The following SPTLC2 variants were observed in gnomAD, a reference collection of about 807,000 sequenced individuals.
SPTLC2 encodes the protein serine palmitoyltransferase 2.
SPTLC2 carries 21 observed loss-of-function variants against 62.0 expected under a neutral mutation model. The observed-to-expected ratio is 0.34, with a 90% confidence interval of 0.24 to 0.49. The LOEUF is 0.49. Ranked by LOEUF, SPTLC2 falls within the 20% of genes least tolerant of loss-of-function variation. The pLI is 0.99. For missense variants in SPTLC2, 511 were observed against 713.0 expected, an observed-to-expected ratio of 0.72 and a Z score of 3.23; for synonymous variants, 261 against 261.8, an observed-to-expected ratio of 1.00 and a Z score of 0.03.
intron 1 of SPTLC2, among the ~76,000 whole-genome samples, chr14:77,612,347 C>T (rs2079942599): frequency 6.6e-6 from 1 of 152,220 alleles, no homozygotes; most frequent in African/African-American, 2.4e-5. Flanking sequence ...TTCTAAAATA[C>T]TATCTTAAGA....
chr14:77,561,777 A>G (rs1464765887), intron 6 of SPTLC2, among the ~76,000 whole-genome samples: 1 of 152,190 alleles, frequency 6.6e-6, no homozygotes, highest in Non-Finnish European at 1.5e-5. Context: ...TTTGGTATAC[A>G]TTCTTCCAAA....
At chr14:77,529,308 C>A (rs553042204) in intron 9 of SPTLC2, among the ~76,000 whole-genome samples, 3 of 147,176 alleles carry the variant, frequency 2.0e-5, no homozygotes, top group African/African-American at 7.5e-5. Flanking sequence ...CAGTTTAAAC[C>A]AGGACATGAC....
chr14:77,561,460 A>T (rs191808640), intron 6 of SPTLC2, among the ~76,000 whole-genome samples: 2 of 152,054 alleles, frequency 1.3e-5, no homozygotes, highest in Non-Finnish European at 2.9e-5. Flanking sequence ...AAATACTAAA[A>T]ATTAGTCAGG....
intron 5 of SPTLC2, among the ~76,000 whole-genome samples, chr14:77,568,473 T>C (rs1278229628): frequency 6.6e-6 from 1 of 152,242 alleles, no homozygotes; most frequent in African/African-American, 2.4e-5. Context: ...AAACATTCTA[T>C]ATCATTACTG....
intron 2 of SPTLC2, among the ~76,000 whole-genome samples, chr14:77,583,125 A>G (rs2079761275): frequency 6.6e-6 from 1 of 151,990 alleles, no homozygotes; most frequent in African/African-American, 2.4e-5. Flanking sequence ...ACTTGAGCTC[A>G]GAAGGTTGGG....
At chr14:77,566,624 C>T (rs562509336) in intron 5 of SPTLC2, among the ~76,000 whole-genome samples, 174 of 152,186 alleles carry the variant, frequency 1.1e-3, no homozygotes, top group East Asian at 7.4e-3. Context: ...TGCCACTACG[C>T]CTAATTTTTA....
chr14:77,529,846 C>T (rs905748684), intron 9 of SPTLC2, among the ~76,000 whole-genome samples: 1 of 151,830 alleles, frequency 6.6e-6, no homozygotes, highest in Admixed American at 6.6e-5. Context: ...TGGTCTCAAA[C>T]TCCTGGGCTA....
intron 1 of SPTLC2, among the ~76,000 whole-genome samples, chr14:77,609,307 T>A (rs1207108902): frequency 6.6e-6 from 1 of 152,226 alleles, no homozygotes; most frequent in East Asian, 1.9e-4. Context: ...ATAAACAATG[T>A]AGTATTCTCC....
In SPTLC2 at chr14:77,579,156, T is replaced by C. The variant is rs1235240354; in HGVS notation, c.328-47A>G. 4 of 1,598,922 alleles carry C rather than the reference T, an allele frequency of 2.5e-6. No homozygotes were observed. In the African/African-American group the frequency reaches 4.0e-5, roughly 16 times the overall value. Reference sequence around the variant, plus strand: ...CCATAAATTTAACTGAGTTACTTTATTAAAAAATTTTTTAACAGATGACAT... The same window carrying C: ...CCATAAATTTAACTGAGTTACTTTACTAAAAAATTTTTTAACAGATGACAT... On this transcript the variant is annotated intron_variant, in intron 2 of 11. Transcript: ENST00000216484.
chr14:77,531,503 C>CTT lies in SPTLC2; in HGVS notation c.1304-9923_1304-9922insAA, dbSNP rs1233720136. Among the ~76,000 whole-genome samples the CTT allele has an allele frequency of 5.3e-3, 616 of 115,904 alleles. 7 individuals carry two copies. Among genetic ancestry groups the CTT allele is most frequent in the African/African-American group, 0.019 (551 of 29,276 alleles). 76.0% of individuals were successfully genotyped at this position (115,904 alleles called of 152,430 possible). ...TCCCCCTCCTCCTCCTCCTCCTCCT[C>CTT]CTCCTCTTCTTCTTCTTCTTCTTTT... On this transcript the variant is annotated intron_variant, in intron 9 of 11. Coordinates refer to ENST00000216484, the MANE Select transcript of SPTLC2 (RefSeq NM_004863.4).
At chr14:77,570,538 C>T in intron 4 of SPTLC2, 30 bp from the exon 5 acceptor site, 1 of 1,585,494 alleles carries the variant, frequency 6.3e-7, no homozygotes. Context: ...AAGTCAGTAT[C>T]ACAAAATCCT....
intron 9 of SPTLC2, among the ~76,000 whole-genome samples, chr14:77,530,608 A>G (rs1425678508): frequency 1.3e-5 from 2 of 152,202 alleles, no homozygotes; most frequent in East Asian, 1.9e-4. Context: ...AATACACCAT[A>G]TAAGTAACTT....
At chr14:77,588,307 C>T (rs2079794195) in intron 2 of SPTLC2, among the ~76,000 whole-genome samples, 1 of 152,112 alleles carries the variant, frequency 6.6e-6, no homozygotes, top group Non-Finnish European at 1.5e-5. Context: ...TGAAACATGA[C>T]AAAGTTGTTT....
chr14:77,560,573 C>G (rs964180535), intron 6 of SPTLC2, among the ~76,000 whole-genome samples: 2 of 151,754 alleles, frequency 1.3e-5, no homozygotes, highest in South Asian at 2.1e-4. Context: ...TGAGTTCATG[C>G]CAATGCATGC....
chr14:77,559,695 A>G (rs1335124045), intron 6 of SPTLC2, among the ~76,000 whole-genome samples: 1 of 152,068 alleles, frequency 6.6e-6, no homozygotes, highest in African/African-American at 2.4e-5. Context: ...TTCAAGACCA[A>G]CCTGGGCAAC....
chr14:77,544,182 A>AT (rs1032301598), intron 9 of SPTLC2, among the ~76,000 whole-genome samples: 1 of 152,040 alleles, frequency 6.6e-6, no homozygotes, highest in Non-Finnish European at 1.5e-5. Context: ...AATTTTTAGA[A>AT]TTTTTTGTAG....
At chr14:77,570,696 C>T (rs943460339) in intron 4 of SPTLC2, among the ~76,000 whole-genome samples, 188 bp from the exon 5 acceptor site, 5 of 151,986 alleles carry the variant, frequency 3.3e-5, no homozygotes, top group African/African-American at 1.2e-4. Flanking sequence ...TCATAAAGAA[C>T]ACAATAGTTG....
intron 5 of SPTLC2, 55 bp downstream of exon 5, chr14:77,570,329 C>G: frequency 6.3e-7 from 1 of 1,593,388 alleles, no homozygotes; most frequent in East Asian, 2.3e-5. Context: ...GACTGCTTTT[C>G]AAAACAAAAG....
intron 5 of SPTLC2, among the ~76,000 whole-genome samples, chr14:77,564,841 CACA>C (rs913837980): frequency 8.0e-5 from 12 of 150,396 alleles, no homozygotes; most frequent in South Asian, 2.1e-4. Flanking sequence ...TTCACAAACC[CACA>C]ACGACAGAAA....
Sources: gnomAD v4.1 joint callset for allele counts (sites outside exome capture counted in the v4.1 genomes callset) on GRCh38, gnomAD v4.1.1 for gene constraint, MANE v1.5 for transcripts, NCBI Gene and HGNC (gene_info 2026-07-23, HGNC 2026-07-21) for gene names.